The following TECRL variants were observed in gnomAD, a reference collection of about 807,000 sequenced individuals.
TECRL encodes trans-2,3-enoyl-CoA reductase like.
In TECRL, 63 loss-of-function variants were observed where a neutral mutation model predicts 52.8. The observed-to-expected ratio is 1.19, with a 90% CI of 0.97 to 1.47. The LOEUF (loss-of-function observed/expected upper bound fraction) is 1.47, where lower values mean the gene tolerates loss of function less well. Ranked by LOEUF, TECRL falls within the 40% of genes most tolerant of loss-of-function variation. The pLI, the probability that TECRL is intolerant of heterozygous loss-of-function variation, is 0.00. For missense variants in TECRL, 482 were observed against 429.6 expected (o/e 1.12, Z -1.08); for synonymous variants, 164 against 141.9 (o/e 1.16, Z -1.10).
intron 9 of TECRL, among the ~76,000 whole-genome samples, chr4:64,282,736 C>A (rs2348310): frequency 0.97 from 147,138 of 152,094 alleles, 71,193 homozygotes; most frequent in East Asian, 1. Context: ...CCTAGTTTGT[C>A]GATTAAATAA....
At chr4:64,310,165 A>G (rs1000242658) in intron 5 of TECRL, among the ~76,000 whole-genome samples, 7 of 152,216 alleles carry the variant, frequency 4.6e-5, no homozygotes, top group Non-Finnish European at 1.0e-4. Context: ...GACATTAGAA[A>G]TATTTTATAA....
chr4:64,309,160 A>T (rs532975215), intron 6 of TECRL, among the ~76,000 whole-genome samples: 1 of 152,302 alleles, frequency 6.6e-6, no homozygotes, highest in Admixed American at 6.5e-5. Flanking sequence ...CTTTACTGCA[A>T]TGACAACAAT....
chr4:64,281,118 A>G (rs761111183), intron 10 of TECRL, 32 bp from the exon 11 acceptor site: 5 of 1,546,792 alleles, frequency 3.2e-6, no homozygotes, highest in South Asian at 2.4e-5. Flanking sequence ...TAGCACATAC[A>G]TAAATGGAAT....
At chr4:64,368,498 G>T (rs1370813458) in intron 2 of TECRL, among the ~76,000 whole-genome samples, 1 of 152,070 alleles carries the variant, frequency 6.6e-6, no homozygotes. Context: ...GTTTCGCCCT[G>T]TTGACCAGGC....
intron 1 of TECRL, among the ~76,000 whole-genome samples, chr4:64,389,720 T>C (rs1184458051): frequency 6.6e-6 from 1 of 151,934 alleles, no homozygotes; most frequent in African/African-American, 2.4e-5. Flanking sequence ...TTAATCCATC[T>C]GGTCCTGGTA....
rs11303004 is a variant in TECRL, at chr4:64,279,754, A to AT, written c.*317dup. On this transcript the variant is annotated 3_prime_UTR_variant, in exon 12 of 12. Transcript: ENST00000381210. ...GATCGCTTTTTCATTTGTTAATCAGATTTTTTTTTTTGCTGTGGTATTTTG... is the reference window on the plus strand; with the variant it reads ...GATCGCTTTTTCATTTGTTAATCAGATTTTTTTTTTTTGCTGTGGTATTTTG... 4.9e-5 allele frequency: 42 copies of AT among 857,872 alleles called. No homozygotes were observed. The highest frequency in any genetic ancestry group is 2.2e-4 in the African/African-American group (12 of 54,962). 53.1% of individuals were successfully genotyped at this position (857,872 alleles called of 1,614,324 possible).
At chr4:64,339,386 AC>A (rs1719378175) in intron 2 of TECRL, among the ~76,000 whole-genome samples, 1 of 152,014 alleles carries the variant, frequency 6.6e-6, no homozygotes, top group Non-Finnish European at 1.5e-5. Flanking sequence ...GCACATGTAT[AC>A]ATATGTAAGA....
At chr4:64,293,439 T>C (rs999431513) in intron 8 of TECRL, among the ~76,000 whole-genome samples, 4 of 152,084 alleles carry the variant, frequency 2.6e-5, no homozygotes, top group African/African-American at 9.7e-5. Context: ...TACAATTTTT[T>C]TAAAAAAATA....
intron 2 of TECRL, among the ~76,000 whole-genome samples, chr4:64,350,075 G>T (rs1196733265): frequency 6.8e-6 from 1 of 147,034 alleles, no homozygotes; most frequent in Non-Finnish European, 1.5e-5. Context: ...ATCAACATCT[G>T]TCTGTTGACA....
chr4:64,374,594 A>G (rs1722254731), intron 2 of TECRL, among the ~76,000 whole-genome samples: 2 of 150,232 alleles, frequency 1.3e-5, no homozygotes, highest in South Asian at 4.2e-4. Context: ...CCGGTGTGTG[A>G]TGTTCCCCTT....
chr4:64,285,154 G>C (rs533057457), intron 9 of TECRL, among the ~76,000 whole-genome samples: 1 of 152,142 alleles, frequency 6.6e-6, no homozygotes, highest in Non-Finnish European at 1.5e-5. Flanking sequence ...TCTTTCAACT[G>C]TCATACCCTC....
chr4:64,330,193 C>A (rs1427687281), intron 2 of TECRL, among the ~76,000 whole-genome samples: 1 of 151,948 alleles, frequency 6.6e-6, no homozygotes, highest in South Asian at 2.1e-4. Context: ...TTAGAAGAAC[C>A]GTGAAGTGTC....
chr4:64,386,910 A>G (rs10049939), intron 1 of TECRL, among the ~76,000 whole-genome samples: 90,157 of 152,002 alleles, frequency 0.59, 30,643 homozygotes, highest in Non-Finnish European at 0.75. Flanking sequence ...ATTTTTTACA[A>G]CGGATATATC....
intron 1 of TECRL, among the ~76,000 whole-genome samples, chr4:64,388,459 G>T (rs1202655171): frequency 2.0e-5 from 3 of 151,800 alleles, no homozygotes; most frequent in Non-Finnish European, 2.9e-5. Flanking sequence ...GGTGACGTCA[G>T]TTCTTCAACC....
chr4:64,384,449 C>T (rs1047243890), intron 1 of TECRL, among the ~76,000 whole-genome samples: 7 of 152,010 alleles, frequency 4.6e-5, no homozygotes, highest in African/African-American at 1.7e-4. Flanking sequence ...CTGGGAGGGG[C>T]CATCCTCAGG....
intron 5 of TECRL, among the ~76,000 whole-genome samples, chr4:64,313,977 CAAAAAAAAAAAAA>C (rs752037972): frequency 0.031 from 1,945 of 61,990 alleles, 65 homozygotes; most frequent in African/African-American, 0.09. Context: ...ACTAAAAATA[CAAAAAAAAAAAAA>C]AAAAAAAAAA....
intron 9 of TECRL, among the ~76,000 whole-genome samples, chr4:64,287,693 T>G (rs1472591678): frequency 6.6e-6 from 1 of 152,206 alleles, no homozygotes; most frequent in South Asian, 2.1e-4. Context: ...AATACATTAT[T>G]AAATAAATGT....
At chr4:64,300,617 A>T (rs1461735712) in intron 7 of TECRL, among the ~76,000 whole-genome samples, 1 of 151,012 alleles carries the variant, frequency 6.6e-6, no homozygotes, top group Non-Finnish European at 1.5e-5. Flanking sequence ...AATATTCAAT[A>T]ATAATAAAAA....
intron 2 of TECRL, among the ~76,000 whole-genome samples, chr4:64,337,899 A>C (rs1454966529): frequency 6.6e-6 from 1 of 152,146 alleles, no homozygotes; most frequent in South Asian, 2.1e-4. Context: ...TCAAGCAATC[A>C]ATGACTTTCT....
Sources: allele counts gnomAD v4.1 joint callset (sites outside exome capture counted in the v4.1 genomes callset), GRCh38; gene constraint gnomAD v4.1.1; transcripts MANE v1.5; gene names NCBI Gene and HGNC (gene_info 2026-07-23, HGNC 2026-07-21).